The following ENTPD3 variants were observed in gnomAD, a reference collection of about 807,000 sequenced individuals.
ENTPD3 encodes the protein ectonucleoside triphosphate diphosphohydrolase 3, also known as CD39 antigen-like 3.
ENTPD3 carries 60 observed loss-of-function variants against 51.2 expected under a neutral mutation model. That is an observed-to-expected ratio of 1.17 (90% CI 0.95 to 1.45). The LOEUF (loss-of-function observed/expected upper bound fraction) is 1.45. ENTPD3 is among the 40% of genes most tolerant of loss of function. The probability of loss-of-function intolerance (pLI) is 0.00; values close to 1 mark genes in which losing one functional copy is unlikely to be tolerated. For missense variants in ENTPD3, 593 were observed against 641.1 expected (o/e 0.93, Z 0.81); for synonymous variants, 221 against 238.4 (o/e 0.93, Z 0.67).
At chr3:40,405,753 G>A (rs1403608834) in intron 4 of ENTPD3, among the ~76,000 whole-genome samples, 1 of 152,086 alleles carries the variant, frequency 6.6e-6, no homozygotes, top group East Asian at 1.9e-4. Flanking sequence ...GCTGTCTGGT[G>A]ACATACTCCC....
intron 9 of ENTPD3, 48 bp downstream of exon 9, chr3:40,423,449 T>C: frequency 1.6e-6 from 2 of 1,266,334 alleles, no homozygotes; most frequent in Non-Finnish European, 2.3e-6. Flanking sequence ...AAAAATATGG[T>C]AGAATCTATT....
intron 1 of ENTPD3, among the ~76,000 whole-genome samples, chr3:40,387,665 A>G (rs1954969577): frequency 6.6e-6 from 1 of 152,142 alleles, no homozygotes; most frequent in Non-Finnish European, 1.5e-5. Flanking sequence ...ATGAACACAC[A>G]AAAACCTTCC....
rs919978210 is a variant in ENTPD3, at chr3:40,428,311, C to T, written c.*803C>T. 6.6e-6 allele frequency: 1 copy of T among 152,228 alleles called. No individual in the cohort carries two copies. The highest frequency in any genetic ancestry group is 2.4e-5 in the African/African-American group (1 of 41,464). The allele number at this position is 152,228 out of a possible 1,614,324, so 9.4% of individuals were successfully genotyped here. ...AGGCTTTTGCTTAGCAAAGGGCTGA[C>T]TTTCCATTGTTATCATGGTGTATAT... On this transcript the variant is annotated 3_prime_UTR_variant, in exon 11 of 11. Coordinates refer to ENST00000301825, the MANE Select transcript of ENTPD3 (RefSeq NM_001248.4).
chr3:40,416,675 T>C (rs1274140129), intron 7 of ENTPD3, among the ~76,000 whole-genome samples: 2 of 152,178 alleles, frequency 1.3e-5, no homozygotes, highest in Admixed American at 6.5e-5. Flanking sequence ...AAACTCAACA[T>C]TATGCAGTGT....
chr3:40,404,080 T>C (rs998120303), intron 4 of ENTPD3, among the ~76,000 whole-genome samples: 1 of 152,156 alleles, frequency 6.6e-6, no homozygotes, highest in African/African-American at 2.4e-5. Context: ...AACCATGAAA[T>C]AGGGCAGCAG....
intron 4 of ENTPD3, among the ~76,000 whole-genome samples, chr3:40,411,292 GAAAAAAAA>G (rs773251760): frequency 2.5e-5 from 2 of 80,314 alleles, no homozygotes; most frequent in East Asian, 4.0e-4. Context: ...CTCTGTCTCA[GAAAAAAAA>G]AAAAAGAAAA....
intron 5 of ENTPD3, among the ~76,000 whole-genome samples, chr3:40,412,185 T>A (rs894259078): frequency 1.3e-5 from 2 of 152,206 alleles, no homozygotes; most frequent in African/African-American, 4.8e-5. Flanking sequence ...CCCTTGGTGA[T>A]TTTACTGAGA....
At chr3:40,397,643 A>C (rs1302754805) in intron 3 of ENTPD3, among the ~76,000 whole-genome samples, 3 of 152,222 alleles carry the variant, frequency 2.0e-5, no homozygotes, top group Non-Finnish European at 4.4e-5. Flanking sequence ...AATAATAAAC[A>C]AATCTAAGAA....
chr3:40,388,465 C>T (rs995341392), intron 2 of ENTPD3, among the ~76,000 whole-genome samples: 11 of 151,952 alleles, frequency 7.2e-5, no homozygotes, highest in Admixed American at 2.6e-4. Flanking sequence ...TATTCCCATC[C>T]AAATGTTGCT....
chr3:40,416,524 T>C (rs1027794040), intron 7 of ENTPD3, among the ~76,000 whole-genome samples: 1 of 152,198 alleles, frequency 6.6e-6, no homozygotes, highest in African/African-American at 2.4e-5. Context: ...GATGGGTCTA[T>C]ATTAGGCAGA....
intron 4 of ENTPD3, among the ~76,000 whole-genome samples, chr3:40,410,509 C>A (rs1180739988): frequency 6.6e-6 from 1 of 151,396 alleles, no homozygotes; most frequent in African/African-American, 2.4e-5. Flanking sequence ...TGGAGCTAAA[C>A]CATTATCATT....
chr3:40,411,000 TA>T (rs1311914944), intron 4 of ENTPD3, among the ~76,000 whole-genome samples: 1 of 152,044 alleles, frequency 6.6e-6, no homozygotes, highest in Non-Finnish European at 1.5e-5. Context: ...ATTAAGAAAT[TA>T]TTTTTTTGGC....
chr3:40,411,873 T>G lies in ENTPD3; in HGVS notation c.348T>G (p.Cys116Trp), dbSNP rs1371325640. The G allele has an allele frequency of 3.1e-6, 5 of 1,612,388 alleles. No individual in the cohort carries two copies. The highest frequency in any genetic ancestry group is 4.2e-6 in the Non-Finnish European group (5 of 1,179,412). The change falls in exon 5 of 11, where the codon TGT becomes TGG. Residue 116 changes from cysteine to tryptophan, a missense_variant. Cys to Trp is a radical substitution (Grantham distance 215). Coordinates refer to ENST00000301825, the MANE Select transcript of ENTPD3 (RefSeq NM_001248.4). ...ATGTCCCCAGAGCCTTTGAGGAGTG[T>G]ATGCAAAAAGTCAAGGGGCAGGTTC... ...PQDVPRAFEE[C>W]MQKVKGQVPS...
chr3:40,423,387 C>T lies in ENTPD3; in HGVS notation c.1201C>T (p.Gln401Ter), dbSNP rs199991598. The change falls in exon 9 of 11, where the codon CAG (glutamine) becomes TAG (stop). Residue 401 changes from glutamine (Q) to a stop codon, truncating the protein, a stop_gained. Coordinates refer to ENST00000301825, the MANE Select transcript of ENTPD3 (RefSeq NM_001248.4). LOFTEE classifies it high-confidence loss of function. ...FNSSTWNFCS[Q>*]NWSQLPLLLP... is the part of the protein sequence containing the mutation. ...CTCCAGCACCTGGAATTTCTGCTCA[C>T]AGAATTGGAGTCAGGTCAGTATTTA... 1.6e-5 allele frequency: 26 copies of T among 1,611,564 alleles called. No homozygotes were observed. Among genetic ancestry groups the T allele is most frequent in the Non-Finnish European group, 2.2e-5 (26 of 1,177,892 alleles).
At chr3:40,391,446 A>G (rs58404218) in intron 2 of ENTPD3, 64,290 of 151,446 alleles carry the variant, frequency 0.42, 14,992 homozygotes, top group African/African-American at 0.62. Context: ...GGAGACCGAG[A>G]CAGGCAGATC....
At position 40,414,678 on chromosome 3, in the gene ENTPD3, C is replaced by T. The variant is rs1373117830; in HGVS notation, c.438-3C>T. On this transcript the variant is annotated splice_region_variant and splice_polypyrimidine_tract_variant and intron_variant, in intron 5 of 10. Transcript: ENST00000301825. ...AGACTTGTTTGTTCTGTGCCTTGTA[C>T]AGGTTGCAAAATGAAACAGCAGCTA... The T allele has an allele frequency of 2.5e-6, 4 of 1,613,916 alleles. No individual in the cohort carries two copies. The Admixed American group carries it at 6.7e-5, about 27-fold the overall frequency.
chr3:40,426,990 C>A (rs1955997993), intron 10 of ENTPD3, among the ~76,000 whole-genome samples: 1 of 152,196 alleles, frequency 6.6e-6, no homozygotes, highest in African/African-American at 2.4e-5. Flanking sequence ...TCCTGGACAA[C>A]AGGAACACTT....
In ENTPD3 at chr3:40,404,150, C is replaced by T. The variant is rs368172070; in HGVS notation, c.286+3139C>T. On this transcript the variant is annotated intron_variant, in intron 4 of 10. Coordinates refer to ENST00000301825, the MANE Select transcript of ENTPD3 (RefSeq NM_001248.4). ...AAGGAAAGAGAAGATAGTGTAGGATCGAGATTGAGACTTCACCTCATCCCT... is the reference window on the plus strand; with the variant it reads ...AAGGAAAGAGAAGATAGTGTAGGATTGAGATTGAGACTTCACCTCATCCCT... Among the ~76,000 whole-genome samples the T allele has an allele frequency of 4.4e-4, 67 of 151,968 alleles. 1 individual carries two copies. The South Asian group carries it at 0.013, about 30-fold the overall frequency.
At chr3:40,402,254 G>C (rs1449188530) in intron 4 of ENTPD3, among the ~76,000 whole-genome samples, 2 of 150,706 alleles carry the variant, frequency 1.3e-5, no homozygotes, top group Non-Finnish European at 3.0e-5. Context: ...AAGTAGCCGG[G>C]ATTACAGGTG....
Sources: gnomAD v4.1 joint callset for allele counts (sites outside exome capture counted in the v4.1 genomes callset) on GRCh38, gnomAD v4.1.1 for gene constraint, MANE v1.5 for transcripts, NCBI Gene and HGNC (gene_info 2026-07-23, HGNC 2026-07-21) for gene names.